The following NAV1 variants were observed in gnomAD, a reference collection of about 807,000 sequenced individuals.
NAV1 encodes pore membrane and/or filament interacting like protein 3.
A neutral mutation model predicts 175.2 loss-of-function variants in NAV1; 18 were observed. The observed-to-expected ratio is 0.10, with a 90% confidence interval of 0.07 to 0.15. The LOEUF (loss-of-function observed/expected upper bound fraction) is 0.15, where lower values mean the gene tolerates loss of function less well. NAV1 is among the 10% of genes least tolerant of loss of function. The pLI is 1.00. For missense variants in NAV1, 1,731 were observed against 2,436.6 expected, an observed-to-expected ratio of 0.71 and a Z score of 6.10; for synonymous variants, 897 against 978.7, an observed-to-expected ratio of 0.92 and a Z score of 1.56.
intron 1 of NAV1, among the ~76,000 whole-genome samples, chr1:201,664,597 G>A (rs1032874760): frequency 6.6e-6 from 1 of 152,184 alleles, no homozygotes; most frequent in African/African-American, 2.4e-5. Flanking sequence ...TCCACTATGT[G>A]GGTTTATAGA....
intron 15 of NAV1, chr1:201,796,643 C>T (rs1040833909): frequency 1.3e-5 from 2 of 152,172 alleles, no homozygotes; most frequent in Non-Finnish European, 2.9e-5. Flanking sequence ...GCTCCACATT[C>T]TTGCTAACAC....
chr1:201,609,906 T>C (rs951471676), intron 2 of NAV1, among the ~76,000 whole-genome samples: 1 of 152,194 alleles, frequency 6.6e-6, no homozygotes, highest in Non-Finnish European at 1.5e-5. Flanking sequence ...AGGGATTGTC[T>C]TCAGGGCACT....
chr1:201,714,647 T>A (rs1672061170), intron 2 of NAV1, among the ~76,000 whole-genome samples: 1 of 152,174 alleles, frequency 6.6e-6, no homozygotes, highest in Non-Finnish European at 1.5e-5. Flanking sequence ...GCTTGGCTTA[T>A]CAGTTTAGGA....
At chr1:201,681,571 C>T (rs552096701) in intron 1 of NAV1, among the ~76,000 whole-genome samples, 4 of 152,346 alleles carry the variant, frequency 2.6e-5, no homozygotes, top group East Asian at 1.9e-4. Context: ...TGCTCTCCCC[C>T]GAGTCAGCCT....
Position 201,592,783 on chromosome 1 carries a change from G to C in NAV1, c.-33+4134G>C, listed in dbSNP as rs558473220. ...CAAGATGATAGCACCTTGCAGAAAGGGGTGGAGGGCCTCATAGCCAACTGG... is the reference window on the plus strand; with the variant it reads ...CAAGATGATAGCACCTTGCAGAAAGCGGTGGAGGGCCTCATAGCCAACTGG... On this transcript the variant is annotated intron_variant, in intron 2 of 33. Coordinates refer to the NAV1 transcript ENST00000685211. Among the ~76,000 whole-genome samples the C allele has an allele frequency of 1.2e-4, 18 of 152,212 alleles. No individual in the cohort carries two copies. The East Asian group carries it at 2.9e-3, about 24-fold the overall frequency.
At chr1:201,632,114 T>G (rs1668495349) in intron 2 of NAV1, among the ~76,000 whole-genome samples, 1 of 152,042 alleles carries the variant, frequency 6.6e-6, no homozygotes, top group Non-Finnish European at 1.5e-5. Context: ...GTTTGGGGGG[T>G]GAGTGCAGAG....
chr1:201,785,400 T>A (rs16849345), intron 8 of NAV1, 49 bp downstream of exon 12: 1 of 1,571,188 alleles, frequency 6.4e-7, no homozygotes, highest in South Asian at 1.1e-5. Flanking sequence ...ACTGCTGGTA[T>A]GTATGAAAAA....
chr1:201,752,610 C>CTT (rs764392937), intron 3 of NAV1, among the ~76,000 whole-genome samples: 75 of 143,178 alleles, frequency 5.2e-4, no homozygotes, highest in African/African-American at 1.9e-3. Flanking sequence ...ACAGCTTTGC[C>CTT]TTTTTTTTTT....
chr1:201,684,263 G>A (rs1220948030), intron 1 of NAV1, among the ~76,000 whole-genome samples: 1 of 152,096 alleles, frequency 6.6e-6, no homozygotes, highest in Non-Finnish European at 1.5e-5. Context: ...TCTGAGTGCT[G>A]GGTGTGCCTA....
At chr1:201,590,668 AGGCTTGCGCGCGG>A (rs1239926991) in intron 2 of NAV1, among the ~76,000 whole-genome samples, 2 of 152,180 alleles carry the variant, frequency 1.3e-5, no homozygotes, top group Non-Finnish European at 2.9e-5. Flanking sequence ...TGGGTGGGTG[AGGCTTGCGCGCGG>A]GGCCAGGAGT....
At chr1:201,570,296 C>T (rs935627080) in intron 1 of NAV1, among the ~76,000 whole-genome samples, 2 of 152,162 alleles carry the variant, frequency 1.3e-5, no homozygotes, top group African/African-American at 4.8e-5. Context: ...GGGTCAGGCG[C>T]CTCCTTACAG....
chr1:201,703,103 T>C (rs751737860), intron 1 of NAV1, among the ~76,000 whole-genome samples: 2 of 152,194 alleles, frequency 1.3e-5, no homozygotes, highest in Non-Finnish European at 2.9e-5. Flanking sequence ...CTGCAGATGG[T>C]TCTCTCTGCT....
chr1:201,593,710 T>C (rs963398315), intron 2 of NAV1, among the ~76,000 whole-genome samples: 1 of 152,192 alleles, frequency 6.6e-6, no homozygotes, highest in African/African-American at 2.4e-5. Context: ...GGGGGCAGTT[T>C]AGCATGTGTC....
Position 201,704,115 on chromosome 1 carries a change from C to T in NAV1, c.758-8702C>T, listed in dbSNP as rs185041558. ...GGTTAATCCCAGAAGCCAGGCCCTG[C>T]TCCCTCTCCCCAAGAACCGGGTGGG... On this transcript the variant is annotated intron_variant, in intron 1 of 29. Transcript: ENST00000367296. Among the ~76,000 whole-genome samples the T allele has an allele frequency of 3.5e-4, 54 of 152,336 alleles. 1 individual carries two copies. Among genetic ancestry groups the T allele is most frequent in the Non-Finnish European group, 1.6e-4 (11 of 68,022 alleles).
Position 201,795,809 on chromosome 1 carries a change from G to A in NAV1, c.3517+1232G>A, listed in dbSNP as rs185671664. ...GTTGCCCAGGCTGGAGTGCAGTGGCGTGATCTCAGCTTACCACAGCCTCCG... is the reference window on the plus strand; with the variant it reads ...GTTGCCCAGGCTGGAGTGCAGTGGCATGATCTCAGCTTACCACAGCCTCCG... On this transcript the variant is annotated intron_variant, in intron 15 of 29. Transcript: ENST00000367296. The A allele has an allele frequency of 2.9e-3, 435 of 149,524 alleles. 2 individuals carry two copies. The highest frequency in any genetic ancestry group is 0.01 in the Middle Eastern group (3 of 288). 9.3% of individuals were successfully genotyped at this position (149,524 alleles called of 1,614,324 possible).
chr1:201,676,020 C>T (rs550050342), intron 1 of NAV1, among the ~76,000 whole-genome samples: 7 of 152,342 alleles, frequency 4.6e-5, no homozygotes, highest in African/African-American at 7.2e-5. Context: ...CCCCTCTCTG[C>T]GTCTCAAAAG....
At chr1:201,715,882 CTG>C (rs1672120348) in intron 2 of NAV1, among the ~76,000 whole-genome samples, 1 of 152,066 alleles carries the variant, frequency 6.6e-6, no homozygotes, top group African/African-American at 2.4e-5. Flanking sequence ...GGAAATGAAA[CTG>C]TGTCCTCCCC....
At chr1:201,825,468 G>A (rs1679618936) in exon 30 of NAV1, 1 of 152,192 alleles carries the variant, frequency 6.6e-6, no homozygotes, top group Admixed American at 6.5e-5. Context: ...GCAGCTAACA[G>A]TGTAGGGCTC....
At chr1:201,817,386 T>G (rs1679108924) in intron 29 of NAV1, 101 bp downstream of exon 33, 1 of 1,104,676 alleles carries the variant, frequency 9.1e-7, no homozygotes, top group Non-Finnish European at 1.3e-6. Flanking sequence ...TTTGAGAGGC[T>G]GAGGTGGGAG....
Sources: gnomAD v4.1 joint callset for allele counts (sites outside exome capture counted in the v4.1 genomes callset) on GRCh38, gnomAD v4.1.1 for gene constraint, MANE v1.5 for transcripts, NCBI Gene and HGNC (gene_info 2026-07-23, HGNC 2026-07-21) for gene names.